The following C1QTNF7 variants were observed in gnomAD, a reference collection of about 807,000 sequenced individuals.
The protein encoded by C1QTNF7 is complement C1q tumor necrosis factor-related protein 7.
A neutral mutation model predicts 19.6 loss-of-function variants in C1QTNF7; 15 were observed. The observed-to-expected ratio is 0.76, with a 90% CI of 0.51 to 1.18. The LOEUF is 1.18. Ranked by LOEUF, C1QTNF7 falls within the 50% of genes most tolerant of loss-of-function variation. The pLI is 0.00. For missense variants in C1QTNF7, 324 were observed against 359.7 expected, an observed-to-expected ratio of 0.90 and a Z score of 0.80; for synonymous variants, 142 against 137.5, an observed-to-expected ratio of 1.03 and a Z score of -0.23.
intron 1 of C1QTNF7, among the ~76,000 whole-genome samples, chr4:15,430,669 A>G (rs918617691): frequency 6.6e-6 from 1 of 152,156 alleles, no homozygotes; most frequent in Non-Finnish European, 1.5e-5. Flanking sequence ...ATGTTTATGA[A>G]ATTGTGACCT....
chr4:15,429,831 T>C (rs967620620), intron 1 of C1QTNF7, among the ~76,000 whole-genome samples: 2 of 152,336 alleles, frequency 1.3e-5, no homozygotes, highest in South Asian at 4.1e-4. Flanking sequence ...TCTCTTTAAT[T>C]TTTTTGAGGA....
chr4:15,401,308 A>C (rs1288555421), intron 1 of C1QTNF7, among the ~76,000 whole-genome samples: 1 of 152,132 alleles, frequency 6.6e-6, no homozygotes. Flanking sequence ...CTGCATCTTT[A>C]AGTGCTTCAA....
intron 1 of C1QTNF7, chr4:15,374,633 A>C (rs1032206349): frequency 2.7e-5 from 27 of 985,246 alleles, no homozygotes; most frequent in Non-Finnish European, 3.3e-5. Context: ...GAATCAGGAA[A>C]TTACTTATCA....
At chr4:15,368,732 A>G (rs1397882161) in intron 1 of C1QTNF7, among the ~76,000 whole-genome samples, 1 of 152,218 alleles carries the variant, frequency 6.6e-6, no homozygotes, top group Non-Finnish European at 1.5e-5. Context: ...GCTATTGTGA[A>G]TAGTGCCGCA....
At chr4:15,425,029 G>C (rs1286224009), upstream of C1QTNF7, among the ~76,000 whole-genome samples, 1 of 151,976 alleles carries the variant, frequency 6.6e-6, no homozygotes, top group Non-Finnish European at 1.5e-5. Flanking sequence ...CTGACATATA[G>C]TAGCAGCTAA....
intron 1 of C1QTNF7, among the ~76,000 whole-genome samples, chr4:15,416,301 C>T (rs931238160): frequency 1.3e-5 from 2 of 152,166 alleles, no homozygotes; most frequent in African/African-American, 4.8e-5. Flanking sequence ...TTCTACATGC[C>T]AGGCTCTGTT....
At chr4:15,381,590 T>C (rs1454652450) in intron 1 of C1QTNF7, among the ~76,000 whole-genome samples, 6 of 152,174 alleles carry the variant, frequency 3.9e-5, no homozygotes, top group Non-Finnish European at 5.9e-5. Context: ...GGGACGTCTC[T>C]GGACTACAGG....
At chr4:15,365,694 C>T (rs1050612568) in intron 1 of C1QTNF7, among the ~76,000 whole-genome samples, 7 of 152,060 alleles carry the variant, frequency 4.6e-5, no homozygotes. Context: ...GTATTTTTTT[C>T]TCTCTCTCTT....
intron 1 of C1QTNF7, among the ~76,000 whole-genome samples, chr4:15,435,346 G>A (rs79885181): frequency 0.022 from 3,298 of 152,174 alleles, 122 homozygotes; most frequent in African/African-American, 0.075. Context: ...TCTCAAGGTG[G>A]TAAAAATAAT....
intron 1 of C1QTNF7, among the ~76,000 whole-genome samples, chr4:15,422,602 C>T (rs1486575107): frequency 1.3e-5 from 2 of 151,804 alleles, no homozygotes; most frequent in Non-Finnish European, 2.9e-5. Context: ...ATGTTTAAAA[C>T]TTTCGATAAT....
intron 1 of C1QTNF7, among the ~76,000 whole-genome samples, chr4:15,349,218 C>T (rs1716818971): frequency 6.6e-6 from 1 of 152,184 alleles, no homozygotes; most frequent in Non-Finnish European, 1.5e-5. Context: ...TCTCCAGGCT[C>T]TTCTTGGAAA....
At position 15,347,187 on chromosome 4, in the gene C1QTNF7, T is replaced by A. The variant is rs560296361; in HGVS notation, c.13+6980T>A. ...TGTCCTTGGGGCTGAGATGGAATGG[T>A]GCCCAAATAGACTTTTAGAATTTAT... On this transcript the variant is annotated intron_variant, in intron 1 of 2. Transcript: ENST00000295297. 9.8e-5 allele frequency among the ~76,000 whole-genome samples: 15 copies of A among 152,302 alleles called. No homozygotes were observed. The South Asian group carries it at 2.9e-3, about 29-fold the overall frequency.
rs959949448 is a variant in C1QTNF7, at chr4:15,446,021, C to T, written c.*3222C>T. ...TCAGGCCACAAATGTTTCTTTGTGCCCCTGCATGCACAAGGGTATTTCCAG... is the reference window on the plus strand; with the variant it reads ...TCAGGCCACAAATGTTTCTTTGTGCTCCTGCATGCACAAGGGTATTTCCAG... On this transcript the variant is annotated 3_prime_UTR_variant, in exon 3 of 3. Coordinates refer to ENST00000444304, the MANE Select transcript of C1QTNF7 (RefSeq NM_031911.5). The T allele has an allele frequency of 6.6e-6, 1 of 152,094 alleles. No homozygotes were observed. The highest frequency in any genetic ancestry group is 1.5e-5 in the Non-Finnish European group (1 of 68,022). 9.4% of individuals were successfully genotyped at this position (152,094 alleles called of 1,614,324 possible).
chr4:15,395,001 T>C (rs554717120), intron 1 of C1QTNF7, among the ~76,000 whole-genome samples: 1 of 152,208 alleles, frequency 6.6e-6, no homozygotes, highest in Non-Finnish European at 1.5e-5. Flanking sequence ...ACTAATGCCA[T>C]TGAAAGAGAA....
upstream of C1QTNF7, among the ~76,000 whole-genome samples, chr4:15,425,007 A>G (rs914572120): frequency 6.6e-6 from 1 of 152,132 alleles, no homozygotes; most frequent in African/African-American, 2.4e-5. Flanking sequence ...ACCCAGACCA[A>G]GCATTCAGCA....
At chr4:15,436,273 T>C (rs2108938886) in intron 2 of C1QTNF7, among the ~76,000 whole-genome samples, 1 of 152,284 alleles carries the variant, frequency 6.6e-6, no homozygotes, top group East Asian at 1.9e-4. Context: ...CCGGGGTGGA[T>C]GTGCACTGCT....
chr4:15,374,872 T>TC (rs893070253), intron 1 of C1QTNF7: 46 of 540,492 alleles, frequency 8.5e-5, no homozygotes, highest in Non-Finnish European at 9.8e-5. Context: ...TCTCTCTCTC[T>TC]TTTTTTTTAT....
At chr4:15,385,972 T>C (rs1718321793) in intron 1 of C1QTNF7, among the ~76,000 whole-genome samples, 3 of 152,236 alleles carry the variant, frequency 2.0e-5, no homozygotes, top group Non-Finnish European at 4.4e-5. Context: ...GACAGTTCTA[T>C]TTGTAGCATT....
intron 2 of C1QTNF7, among the ~76,000 whole-genome samples, chr4:15,440,955 A>C (rs920038089): frequency 6.6e-6 from 1 of 152,110 alleles, no homozygotes; most frequent in African/African-American, 2.4e-5. Context: ...AGCCTGGCCA[A>C]CATGGCAAAA....
Sources: gnomAD v4.1 joint callset for allele counts (sites outside exome capture counted in the v4.1 genomes callset) on GRCh38, gnomAD v4.1.1 for gene constraint, MANE v1.5 for transcripts, NCBI Gene and HGNC (gene_info 2026-07-23, HGNC 2026-07-21) for gene names.